The following UNC79 variants were observed in gnomAD, a reference collection of about 807,000 sequenced individuals.
UNC79 encodes unc-79 subunit of NALCN channel complex.
UNC79 carries 37 observed loss-of-function variants against 283.1 expected under a neutral mutation model. That is an observed-to-expected ratio of 0.13 (90% CI 0.10 to 0.17). The LOEUF is 0.17. Among genes scored for constraint, UNC79 ranks in the 10% least tolerant of loss-of-function variants. The pLI, the probability that UNC79 is intolerant of heterozygous loss-of-function variation, is 1.00. For synonymous variants in UNC79, 1,107 were observed against 1,200.2 expected (o/e 0.92, Z 1.61); for missense variants, 2,272 against 3,211.1 (o/e 0.71, Z 7.07).
intron 14 of UNC79, among the ~76,000 whole-genome samples, chr14:93,560,188 G>A (rs1402701976): frequency 2.6e-5 from 4 of 152,200 alleles, no homozygotes; most frequent in Admixed American, 2.0e-4. Context: ...AGAATTGGGA[G>A]GACCCAGGAC....
chr14:93,350,377 T>C (rs1266345388), intron 1 of UNC79, among the ~76,000 whole-genome samples: 1 of 152,092 alleles, frequency 6.6e-6, no homozygotes, highest in East Asian at 1.9e-4. Flanking sequence ...AAATAATAAT[T>C]TTATCTAAAG....
At chr14:93,542,791 G>A (rs1406622198) in intron 14 of UNC79, 95 bp downstream of exon 14, 2 of 1,148,034 alleles carry the variant, frequency 1.7e-6, no homozygotes, top group Non-Finnish European at 2.6e-6. Context: ...GTCTGCAGAG[G>A]AGGAACATCT....
At chr14:93,427,189 C>T (rs970396866), upstream of UNC79, among the ~76,000 whole-genome samples, 3 of 152,160 alleles carry the variant, frequency 2.0e-5, no homozygotes, top group Non-Finnish European at 4.4e-5. Context: ...CTGTGGCTCT[C>T]TCTTTCTCAC....
At chr14:93,481,711 G>A (rs2058153436) in intron 4 of UNC79, among the ~76,000 whole-genome samples, 1 of 152,076 alleles carries the variant, frequency 6.6e-6, no homozygotes, top group Admixed American at 6.6e-5. Context: ...GAGGGTGCAT[G>A]TTATGTTTCT....
At chr14:93,536,003 C>G (rs531277279) in intron 11 of UNC79, among the ~76,000 whole-genome samples, 2 of 152,166 alleles carry the variant, frequency 1.3e-5, no homozygotes, top group Non-Finnish European at 2.9e-5. Context: ...CCAAGATCTT[C>G]TCATCAAAAT....
exon 19 of UNC79, chr14:93,580,245 G>A (rs2063717412): frequency 1.9e-6 from 3 of 1,614,142 alleles, no homozygotes; most frequent in Non-Finnish European, 2.5e-6. Context: ...AGCCCCCTGG[G>A]GGGGATCCCA....
intron 23 of UNC79, among the ~76,000 whole-genome samples, chr14:93,595,989 G>T (rs576239630): frequency 2.4e-4 from 36 of 152,300 alleles, no homozygotes; most frequent in Non-Finnish European, 4.4e-4. Flanking sequence ...AATTAGATAT[G>T]TGCTAGGTGC....
At chr14:93,575,533 T>TG (rs2063425596) in intron 17 of UNC79, among the ~76,000 whole-genome samples, 1 of 152,142 alleles carries the variant, frequency 6.6e-6, no homozygotes, top group South Asian at 2.1e-4. Flanking sequence ...TGCTTCACTT[T>TG]GGGGGTGAGG....
chr14:93,530,720 T>C (rs764633121), intron 10 of UNC79, among the ~76,000 whole-genome samples: 21 of 152,066 alleles, frequency 1.4e-4, no homozygotes, highest in Non-Finnish European at 2.6e-4. Flanking sequence ...CCATCCTGGC[T>C]AACATGGTGA....
chr14:93,478,879 C>T (rs2057955133), intron 4 of UNC79, among the ~76,000 whole-genome samples: 1 of 152,132 alleles, frequency 6.6e-6, no homozygotes, highest in Non-Finnish European at 1.5e-5. Context: ...GCTACATTTG[C>T]TTATTTTTAC....
At position 93,431,068 on chromosome 14, in the gene UNC79, C is replaced by G. The variant is rs1444843524; in HGVS notation, c.22+17C>G. On this transcript the variant is annotated intron_variant, in intron 1 of 48. Coordinates refer to ENST00000555664, the Ensembl canonical transcript of UNC79. ...CGGAGCAGTGTAAGTAGCAGCCGGC[C>G]CGGCATTCCGGCCCGGCCTCGGCTG... 5 of 700,686 alleles carry G rather than the reference C, an allele frequency of 7.1e-6. No individual in the cohort carries two copies. In the East Asian group the frequency reaches 1.3e-4, roughly 19 times the overall value. 43.4% of individuals were successfully genotyped at this position (700,686 alleles called of 1,614,324 possible). A position where few individuals can be genotyped will look rare whatever the true frequency, so the allele number is the denominator to read the frequency against.
intron 34 of UNC79, among the ~76,000 whole-genome samples, chr14:93,645,582 G>A (rs1457368664): frequency 1.3e-5 from 2 of 152,058 alleles, no homozygotes; most frequent in Non-Finnish European, 2.9e-5. Context: ...ATGACCACGG[G>A]GACCATTCCC....
intron 1 of UNC79, among the ~76,000 whole-genome samples, chr14:93,415,308 T>C (rs2055429241): frequency 6.6e-6 from 1 of 152,260 alleles, no homozygotes; most frequent in African/African-American, 2.4e-5. Flanking sequence ...TCTGTTTATA[T>C]GCTGGATTAC....
At chr14:93,644,544 A>T (rs1168258889) in intron 34 of UNC79, among the ~76,000 whole-genome samples, 1 of 152,096 alleles carries the variant, frequency 6.6e-6, no homozygotes, top group African/African-American at 2.4e-5. Context: ...GCCAAATAAG[A>T]TAGGGTGTGA....
chr14:93,592,866 T>A (rs1418105625), intron 22 of UNC79, among the ~76,000 whole-genome samples: 1 of 152,224 alleles, frequency 6.6e-6, no homozygotes, highest in Non-Finnish European at 1.5e-5. Context: ...TCTTTCTCTG[T>A]CTTCTCCTCC....
chr14:93,652,081 C>T (rs2070344910), intron 35 of UNC79, among the ~76,000 whole-genome samples: 1 of 151,786 alleles, frequency 6.6e-6, no homozygotes, highest in Admixed American at 6.6e-5. Context: ...TTTTTATTGC[C>T]TTATTGCAAT....
At chr14:93,538,181 G>A (rs199853805) in exon 12 of UNC79, 5 of 1,611,994 alleles carry the variant, frequency 3.1e-6, no homozygotes, top group South Asian at 2.2e-5. Context: ...GGAATGCGGC[G>A]CTGAGGAGCT....
At chr14:93,392,131 T>C (rs116020872) in intron 1 of UNC79, among the ~76,000 whole-genome samples, 2 of 152,354 alleles carry the variant, frequency 1.3e-5, no homozygotes, top group Admixed American at 6.5e-5. Flanking sequence ...TGAATCTTAA[T>C]GTATATAGTA....
intron 14 of UNC79, among the ~76,000 whole-genome samples, chr14:93,554,231 C>G (rs535505952): frequency 6.6e-6 from 1 of 152,042 alleles, no homozygotes; most frequent in South Asian, 2.1e-4. Flanking sequence ...GCCTGCAGTC[C>G]CAGCTACTCG....
Sources: allele counts gnomAD v4.1 joint callset (sites outside exome capture counted in the v4.1 genomes callset), GRCh38; gene constraint gnomAD v4.1.1; transcripts MANE v1.5; gene names NCBI Gene and HGNC (gene_info 2026-07-23, HGNC 2026-07-21).